FASTKD1: variants seen among roughly 807,000 people sequenced by gnomAD.
FASTKD1 encodes the protein FAST kinase domain-containing protein 1, mitochondrial.
A neutral mutation model predicts 90.9 loss-of-function variants in FASTKD1; 94 were observed. The observed-to-expected ratio is 1.03, with a 90% CI of 0.88 to 1.23. FASTKD1 has a LOEUF of 1.23. FASTKD1 is among the 50% of genes most tolerant of loss of function. The pLI is 0.00. For synonymous variants in FASTKD1, 319 were observed against 345.8 expected (o/e 0.92, Z 0.86); for missense variants, 945 against 993.5 (o/e 0.95, Z 0.66).
intron 5 of FASTKD1, among the ~76,000 whole-genome samples, chr2:169,558,151 A>T (rs1282125095): frequency 9.9e-5 from 15 of 152,238 alleles, no homozygotes. Flanking sequence ...TGCAATATAA[A>T]TTCCTTGAAG....
intron 10 of FASTKD1, among the ~76,000 whole-genome samples, chr2:169,538,543 G>A (rs188647120): frequency 8.9e-4 from 135 of 152,046 alleles, no homozygotes; most frequent in African/African-American, 3.1e-3. Flanking sequence ...AGGCATGGTG[G>A]TGCATGCCTG....
At chr2:169,536,594 T>G (rs1684732827) in intron 12 of FASTKD1, among the ~76,000 whole-genome samples, 2 of 152,198 alleles carry the variant, frequency 1.3e-5, no homozygotes, top group African/African-American at 4.8e-5. Flanking sequence ...AACCTAAATT[T>G]AGAAAGTTTA....
chr2:169,530,222 C>T (rs1470419857), intron 14 of FASTKD1, among the ~76,000 whole-genome samples: 1 of 152,216 alleles, frequency 6.6e-6, no homozygotes, highest in African/African-American at 2.4e-5. Flanking sequence ...TCCATCTCTA[C>T]AGTGCCTCTC....
At chr2:169,555,735 T>C (rs1277545199) in intron 6 of FASTKD1, among the ~76,000 whole-genome samples, 1 of 152,118 alleles carries the variant, frequency 6.6e-6, no homozygotes, top group East Asian at 1.9e-4. Context: ...GAACATATAA[T>C]AGGTCATGAA....
At position 169,537,218 on chromosome 2, in the gene FASTKD1, A is replaced by AT. The variant is rs1413110261; in HGVS notation, c.2188+8dup. 6.7e-7 allele frequency: 1 copy of AT among 1,502,518 alleles called. No homozygotes were observed. Among genetic ancestry groups the AT allele is most frequent in the Non-Finnish European group, 9.3e-7 (1 of 1,079,436 alleles). The allele number at this position is 1,502,518 out of a possible 1,614,324, so 93.1% of individuals were successfully genotyped here. ...CTGAAAGTAACTAATAACCTACCCA[A>AT]TAACTTACCTACTTTGTGGTAATAA... On this transcript the variant is annotated intron_variant, in intron 12 of 14. Transcript: ENST00000453153.
chr2:169,539,795 C>G (rs533486127), intron 10 of FASTKD1, among the ~76,000 whole-genome samples: 2 of 152,040 alleles, frequency 1.3e-5, no homozygotes, highest in African/African-American at 4.8e-5. Context: ...GATATATAAT[C>G]ATTCACATAG....
intron 5 of FASTKD1, among the ~76,000 whole-genome samples, chr2:169,560,078 T>C (rs913899048): frequency 6.6e-6 from 1 of 151,860 alleles, no homozygotes; most frequent in African/African-American, 2.4e-5. Context: ...GGTGGGGGAG[T>C]CTTATATGTG....
intron 3 of FASTKD1, among the ~76,000 whole-genome samples, chr2:169,564,631 T>C (rs951757537): frequency 1.3e-5 from 2 of 152,154 alleles, no homozygotes; most frequent in East Asian, 1.9e-4. Flanking sequence ...TTATTGACTA[T>C]AGTCACCCTG....
intron 5 of FASTKD1, among the ~76,000 whole-genome samples, chr2:169,557,554 G>T (rs1222853118): frequency 1.3e-5 from 2 of 152,038 alleles, no homozygotes; most frequent in Non-Finnish European, 2.9e-5. Context: ...ACAGGTAAAA[G>T]ATATTTTAAG....
intron 2 of FASTKD1, chr2:169,571,101 AAGG>A (rs1312682015): frequency 6.5e-6 from 1 of 152,822 alleles, no homozygotes; most frequent in Non-Finnish European, 1.5e-5. Context: ...ACAGTTGTTA[AAGG>A]AGAATTGCTT....
intron 7 of FASTKD1, among the ~76,000 whole-genome samples, chr2:169,552,040 T>G (rs1685513152): frequency 6.6e-6 from 1 of 152,174 alleles, no homozygotes; most frequent in Non-Finnish European, 1.5e-5. Flanking sequence ...ACATAAGAAT[T>G]TATGTAAATT....
rs1685203191 is a variant in FASTKD1, at chr2:169,546,464, G to C, written c.1455C>G (p.His485Gln). The C allele has an allele frequency of 6.2e-7, 1 of 1,614,024 alleles. No individual in the cohort carries two copies. Among genetic ancestry groups the C allele is most frequent in the African/African-American group, 1.3e-5 (1 of 74,910 alleles). ...TGTGTTGTAGTCTCTGACGACCATA[G>C]TGATCTAATTTTTGAAGTAGTTTCA... ...KQLKLLQKLD[H>Q]YGRQRLQHSN... is the part of the protein sequence containing the mutation. The change falls in exon 8 of 15, where the codon CAC becomes CAG. Residue 485 changes from histidine (H) to glutamine (Q), a missense_variant. Transcript: ENST00000453153.
intron 12 of FASTKD1, among the ~76,000 whole-genome samples, chr2:169,536,430 G>A (rs1392755159): frequency 6.6e-6 from 1 of 151,848 alleles, no homozygotes; most frequent in Non-Finnish European, 1.5e-5. Context: ...ATATTAAGGT[G>A]TCTAAAAAAT....
chr2:169,532,819 G>A (rs959743893), intron 12 of FASTKD1, among the ~76,000 whole-genome samples: 6 of 152,076 alleles, frequency 3.9e-5, no homozygotes, highest in Admixed American at 2.6e-4. Context: ...AACAGGAAAA[G>A]CAAAGGTATA....
chr2:169,544,931 A>G (rs1685121296), intron 8 of FASTKD1, 96 bp from the exon 9 acceptor site: 1 of 641,764 alleles, frequency 1.6e-6, no homozygotes, highest in African/African-American at 1.8e-5. Context: ...TTTTCCTATC[A>G]TCGCTACAGT....
chr2:169,564,946 A>ATT (rs151140092), intron 3 of FASTKD1, among the ~76,000 whole-genome samples: 24 of 130,928 alleles, frequency 1.8e-4, no homozygotes, highest in East Asian at 1.1e-3. Context: ...TATATACCAC[A>ATT]TTTTTCTTTT....
chr2:169,572,508 CATTA>C (rs1391808584), intron 1 of FASTKD1, among the ~76,000 whole-genome samples: 1 of 151,116 alleles, frequency 6.6e-6, no homozygotes. Context: ...AAAGTGTAGG[CATTA>C]ATTCAGAGCC....
At chr2:169,569,136 C>G (rs771188418) in intron 3 of FASTKD1, 48 bp downstream of exon 3, 1 of 1,491,860 alleles carries the variant, frequency 6.7e-7, no homozygotes, top group Non-Finnish European at 9.3e-7. Context: ...ACTCTGTTAA[C>G]CCTGAAAAGA....
chr2:169,561,817 A>AATTATTTATTAATTTATTGTAG (rs1683647231), intron 4 of FASTKD1, among the ~76,000 whole-genome samples: 1 of 139,798 alleles, frequency 7.2e-6, no homozygotes, highest in South Asian at 2.2e-4. Context: ...ATTTATTGTA[A>AATTATTTATTAATTTATTGTAG]ATTATTTATT....
Sources: gnomAD v4.1 joint callset for allele counts (sites outside exome capture counted in the v4.1 genomes callset) on GRCh38, gnomAD v4.1.1 for gene constraint, MANE v1.5 for transcripts, NCBI Gene and HGNC (gene_info 2026-07-23, HGNC 2026-07-21) for gene names.